The following BTRC variants were observed in gnomAD, a reference collection of about 807,000 sequenced individuals.
BTRC encodes F-box/WD repeat-containing protein 1A.
Under a neutral mutation model 85.5 loss-of-function variants are expected in BTRC, and 42 were observed. The observed-to-expected ratio is 0.49, with a 90% CI of 0.38 to 0.64. The LOEUF (loss-of-function observed/expected upper bound fraction) is 0.64. Ranked by LOEUF, BTRC falls within the 30% of genes least tolerant of loss-of-function variation. The pLI is 0.00. For missense variants in BTRC, 594 were observed against 743.5 expected (o/e 0.80, Z 2.34); for synonymous variants, 255 against 263.3 (o/e 0.97, Z 0.30).
intron 4 of BTRC, among the ~76,000 whole-genome samples, chr10:101,499,963 G>A (rs2134287185): frequency 6.6e-6 from 1 of 151,712 alleles, no homozygotes; most frequent in East Asian, 1.9e-4. Context: ...AGCAGGCTAT[G>A]GACTATAATG....
At chr10:101,507,537 G>A (rs1205768404) in intron 4 of BTRC, among the ~76,000 whole-genome samples, 1 of 152,168 alleles carries the variant, frequency 6.6e-6, no homozygotes, top group East Asian at 1.9e-4. Flanking sequence ...AGAGGTGTTT[G>A]TCAGCTTCTC....
Position 101,550,753 on chromosome 10 carries a change from A to G in BTRC, c.1711A>G (p.Ser571Gly). ...LQFDEFQIVSSSHDDTILIWD... is the reference protein window; with the variant it reads ...LQFDEFQIVSGSHDDTILIWD... ...GTTTGATGAATTCCAGATTGTCAGT[A>G]GTTCACATGATGACACAATCCTCAT... The change falls in exon 14 of 15, where the codon AGT becomes GGT. Residue 571 changes from serine to glycine, a missense_variant. By Grantham distance (56) the Ser-to-Gly change is moderately conservative. Coordinates refer to ENST00000370187, the MANE Select transcript of BTRC (RefSeq NM_033637.4). The G allele has an allele frequency of 6.2e-7, 1 of 1,613,992 alleles. No homozygotes were observed. Among genetic ancestry groups the G allele is most frequent in the South Asian group, 1.1e-5 (1 of 91,072 alleles).
chr10:101,432,969 C>T (rs1002904110), intron 2 of BTRC, among the ~76,000 whole-genome samples: 3 of 152,156 alleles, frequency 2.0e-5, no homozygotes, highest in Non-Finnish European at 2.9e-5. Flanking sequence ...TCTCTTATTT[C>T]CTCCTGGTGT....
At chr10:101,472,205 T>C (rs1320003508) in intron 3 of BTRC, among the ~76,000 whole-genome samples, 1 of 152,170 alleles carries the variant, frequency 6.6e-6, no homozygotes, top group Non-Finnish European at 1.5e-5. Flanking sequence ...GATTTCTTTC[T>C]TTCCATATTT....
chr10:101,374,211 C>T (rs573843275), intron 1 of BTRC, among the ~76,000 whole-genome samples: 105 of 152,116 alleles, frequency 6.9e-4, no homozygotes, highest in African/African-American at 2.2e-3. Flanking sequence ...TCTCCACATC[C>T]TCTCCAGCAC....
intron 4 of BTRC, among the ~76,000 whole-genome samples, chr10:101,507,703 C>T (rs1946577135): frequency 6.6e-6 from 1 of 152,162 alleles, no homozygotes; most frequent in African/African-American, 2.4e-5. Context: ...TCAAGAAAGG[C>T]TGTGTCCTGA....
intron 1 of BTRC, 161 bp downstream of exon 1, chr10:101,354,389 TG>T (rs1228307681): frequency 1.7e-5 from 13 of 770,702 alleles, no homozygotes; most frequent in Non-Finnish European, 2.4e-5. Flanking sequence ...GAAAGGAGGC[TG>T]GGGGTTGCGG....
chr10:101,448,301 G>T (rs1413092173), intron 2 of BTRC, among the ~76,000 whole-genome samples: 1 of 152,052 alleles, frequency 6.6e-6, no homozygotes, highest in Admixed American at 6.6e-5. Context: ...ACATCAAAGA[G>T]CATTGCTTTA....
chr10:101,398,791 A>G (rs908326216), intron 1 of BTRC, among the ~76,000 whole-genome samples: 1 of 152,158 alleles, frequency 6.6e-6, no homozygotes, highest in Non-Finnish European at 1.5e-5. Context: ...CCATAGGAAC[A>G]GTGTTTTAAA....
intron 1 of BTRC, among the ~76,000 whole-genome samples, chr10:101,390,157 CAT>C (rs529147855): frequency 8.9e-4 from 136 of 152,182 alleles, no homozygotes; most frequent in Non-Finnish European, 1.6e-3. Flanking sequence ...CAGTGCATGA[CAT>C]GTGGTAGACA....
rs932694899 is a variant in BTRC, at chr10:101,538,350, A to C, written c.1635A>C (p.Thr545=). 6.8e-6 allele frequency: 11 copies of C among 1,613,722 alleles called. No homozygotes were observed. Among genetic ancestry groups the C allele is most frequent in the Non-Finnish European group, 9.3e-6 (11 of 1,179,796 alleles). The change falls in exon 13 of 15, where the codon ACA becomes ACC. Residue 545 remains threonine, a synonymous_variant. Transcript: ENST00000370187. ...TGGACCCCCGTGCTCCTGCAGGGAC[A>C]CTCTGTCTACGGACCCTTGTGGTAA... ...AALDPRAPAG[T]LCLRTLVEHS... is the part of the protein sequence containing the mutation.
chr10:101,432,171 A>G (rs1279684363), intron 2 of BTRC, among the ~76,000 whole-genome samples: 3 of 149,018 alleles, frequency 2.0e-5, no homozygotes, highest in Non-Finnish European at 4.4e-5. Flanking sequence ...TCTGTTGTCC[A>G]GGCTAGAGTG....
At chr10:101,506,116 G>T (rs1946534940) in intron 4 of BTRC, among the ~76,000 whole-genome samples, 1 of 152,148 alleles carries the variant, frequency 6.6e-6, no homozygotes, top group Non-Finnish European at 1.5e-5. Flanking sequence ...GTTTCACCAT[G>T]TTGGTCAGGC....
intron 1 of BTRC, among the ~76,000 whole-genome samples, chr10:101,373,351 A>G (rs543644787): frequency 2.6e-5 from 4 of 152,304 alleles, no homozygotes; most frequent in Admixed American, 2.6e-4. Context: ...TCTACGCAAG[A>G]GACTGGGCTT....
At chr10:101,431,755 T>C (rs1287929225) in intron 2 of BTRC, among the ~76,000 whole-genome samples, 1 of 152,092 alleles carries the variant, frequency 6.6e-6, no homozygotes. Flanking sequence ...ATGCTAAGAG[T>C]TGTTAATTTT....
At chr10:101,485,930 C>G (rs1945973420) in intron 4 of BTRC, among the ~76,000 whole-genome samples, 1 of 152,184 alleles carries the variant, frequency 6.6e-6, no homozygotes, top group African/African-American at 2.4e-5. Flanking sequence ...ATCACCCGCA[C>G]AGAGAGATCA....
chr10:101,404,321 C>T (rs916302530), intron 1 of BTRC, among the ~76,000 whole-genome samples: 3 of 151,896 alleles, frequency 2.0e-5, no homozygotes, highest in African/African-American at 7.3e-5. Flanking sequence ...TGAGCCACCG[C>T]GCCCAGCCAA....
intron 2 of BTRC, 69 bp from the exon 3 acceptor site, chr10:101,461,912 T>C: frequency 8.8e-7 from 1 of 1,131,360 alleles, no homozygotes; most frequent in South Asian, 1.4e-5. Flanking sequence ...AGAAATGTAA[T>C]TCAGTTTACT....
At chr10:101,455,983 A>AACATACACACAC (rs1554881060) in intron 2 of BTRC, among the ~76,000 whole-genome samples, 66 of 96,044 alleles carry the variant, frequency 6.9e-4, no homozygotes, top group South Asian at 1.8e-3. Context: ...CTCTACTAAA[A>AACATACACACAC]ACACACACAC....
Sources: allele counts gnomAD v4.1 joint callset (sites outside exome capture counted in the v4.1 genomes callset), GRCh38; gene constraint gnomAD v4.1.1; transcripts MANE v1.5; gene names NCBI Gene and HGNC (gene_info 2026-07-23, HGNC 2026-07-21).